KRT8: variants seen among roughly 807,000 people sequenced by gnomAD.
KRT8 encodes the protein keratin 8.
In KRT8, 24 loss-of-function variants were observed where a neutral mutation model predicts 43.0. The ratio of observed to expected loss-of-function variants is 0.56; its 90% CI spans 0.40 to 0.78. The LOEUF (loss-of-function observed/expected upper bound fraction) is 0.78, where lower values mean the gene tolerates loss of function less well. KRT8 is among the 30% of genes least tolerant of loss of function. The pLI is 0.00. For missense variants in KRT8, 492 were observed against 638.4 expected (o/e 0.77, Z 2.47); for synonymous variants, 214 against 261.2 (o/e 0.82, Z 1.74).
At position 52,925,231 on chromosome 12, in the gene KRT8, G is replaced by A. The variant is rs114819097; in HGVS notation, c.-46-20204C>T. Among the ~76,000 whole-genome samples the A allele has an allele frequency of 5.5e-3, 831 of 152,322 alleles. 9 individuals are homozygous for A. The highest frequency in any genetic ancestry group is 0.019 in the African/African-American group (798 of 41,570). On this transcript the variant is annotated intron_variant, in intron 2 of 6. Transcript: ENST00000546826. ...CAAGGTCAGGACCGGGAGGAATGCAGCTGGAGGAGGTGTGTATGCACAGTC... is the reference window on the plus strand; with the variant it reads ...CAAGGTCAGGACCGGGAGGAATGCAACTGGAGGAGGTGTGTATGCACAGTC...
intron 7 of KRT8, 105 bp downstream of exon 7, chr12:52,898,356 T>C: frequency 2.1e-6 from 2 of 939,546 alleles, no homozygotes; most frequent in South Asian, 1.4e-5. Flanking sequence ...ACATGAGTGC[T>C]CAGGCTGAGG....
chr12:52,914,052 G>A (rs766226956), intron 2 of KRT8, among the ~76,000 whole-genome samples: 7 of 149,948 alleles, frequency 4.7e-5, no homozygotes, highest in East Asian at 2.0e-4. Context: ...GTGAAATCCC[G>A]TCTCTACTAA....
At chr12:52,899,365 T>G (rs570870122) in intron 5 of KRT8, among the ~76,000 whole-genome samples, 1 of 152,040 alleles carries the variant, frequency 6.6e-6, no homozygotes, top group Admixed American at 6.5e-5. Flanking sequence ...CAGGGAGACA[T>G]GAGCAGTTTC....
chr12:52,927,859 A>G (rs540079122), intron 2 of KRT8, among the ~76,000 whole-genome samples: 1 of 152,250 alleles, frequency 6.6e-6, no homozygotes, highest in South Asian at 2.1e-4. Context: ...CAGGTGTATC[A>G]CCTGAGGTCA....
At chr12:52,899,121 T>A in intron 5 of KRT8, 1 of 543,388 alleles carries the variant, frequency 1.8e-6, no homozygotes, top group Non-Finnish European at 3.3e-6. Context: ...GAGGCCATCC[T>A]GGCTAACACA....
chr12:52,903,373 T>C (rs1323432171), intron 1 of KRT8: 1 of 152,264 alleles, frequency 6.6e-6, no homozygotes, highest in Admixed American at 6.5e-5. Flanking sequence ...TATGCTTAGC[T>C]GCTCTCTATA....
chr12:52,931,068 A>ATTGTTTT (rs1555189440), intron 2 of KRT8, among the ~76,000 whole-genome samples: 1 of 141,078 alleles, frequency 7.1e-6, no homozygotes, highest in African/African-American at 2.6e-5. Flanking sequence ...TCTCCCCCAG[A>ATTGTTTT]TTCTTTTTTT....
exon 2 of KRT8, chr12:52,949,485 G>C (rs1164534748): frequency 5.0e-6 from 8 of 1,613,554 alleles, no homozygotes; most frequent in Non-Finnish European, 6.8e-6. Flanking sequence ...TGGAGACCGA[G>C]AACCGGAGGC....
chr12:52,930,753 G>A (rs939852463), intron 2 of KRT8, among the ~76,000 whole-genome samples: 9 of 149,276 alleles, frequency 6.0e-5, no homozygotes, highest in African/African-American at 2.2e-4. Context: ...TAGAGACAGG[G>A]TCTTGCTCTG....
chr12:52,914,988 A>G (rs1941706719), intron 2 of KRT8, among the ~76,000 whole-genome samples: 1 of 152,164 alleles, frequency 6.6e-6, no homozygotes, highest in Non-Finnish European at 1.5e-5. Flanking sequence ...CCAGGGGAAT[A>G]GAATACTATC....
chr12:52,899,990 T>C, exon 5 of KRT8: 1 of 1,613,356 alleles, frequency 6.2e-7, no homozygotes, highest in Non-Finnish European at 8.5e-7. Context: ...ATGCTGTCCA[T>C]GTCCAGGGAG....
chr12:52,900,620 C>T lies in KRT8; in HGVS notation c.658G>A (p.Glu220Lys), dbSNP rs760484741. 9.9e-6 allele frequency: 16 copies of T among 1,612,924 alleles called. No homozygotes were observed. The East Asian group carries it at 1.6e-4, about 16-fold the overall frequency. ...TATAGCTGCCTGAGGAAGTTGATCT[C>T]GTCGGTCAGCCCTTCCAGGCGAGAC... Residue 220 changes from glutamate (E) to lysine (K), a missense_variant, in exon 4 of 8, where the codon GAG (glutamate) becomes AAG (lysine). By Grantham distance (56) the Glu-to-Lys change is moderately conservative. Coordinates refer to ENST00000692008, the Ensembl canonical transcript of KRT8.
At chr12:52,900,776 G>A in intron 3 of KRT8, 93 bp from the exon 4 acceptor site, 2 of 844,150 alleles carry the variant, frequency 2.4e-6, no homozygotes, top group South Asian at 2.7e-5. Flanking sequence ...CTGGTCACAG[G>A]ACTTTCTAGT....
At chr12:52,898,698 G>C in exon 6 of KRT8, 3 of 1,614,222 alleles carry the variant, frequency 1.9e-6, no homozygotes, top group Non-Finnish European at 2.5e-6. Context: ...TCGCCCTCCA[G>C]CAGCTTCCTG....
intron 5 of KRT8, 58 bp from the exon 6 acceptor site, chr12:52,898,957 G>T: frequency 6.7e-7 from 1 of 1,492,568 alleles, no homozygotes; most frequent in Non-Finnish European, 9.2e-7. Flanking sequence ...CTTCTCCCGT[G>T]CTCCCACCCT....
chr12:52,934,229 A>G (rs925661252), intron 2 of KRT8, among the ~76,000 whole-genome samples: 1 of 151,542 alleles, frequency 6.6e-6, no homozygotes, highest in African/African-American at 2.4e-5. Flanking sequence ...ACTTCATCTC[A>G]GAAAAGGAAA....
At chr12:52,908,626 G>T (rs1159770924), upstream of KRT8, among the ~76,000 whole-genome samples, 1 of 152,190 alleles carries the variant, frequency 6.6e-6, no homozygotes. Context: ...ACAGGAAGTA[G>T]ATTAGTGGTT....
At chr12:52,905,766 C>T (rs1350863642), upstream of KRT8, among the ~76,000 whole-genome samples, 1 of 151,990 alleles carries the variant, frequency 6.6e-6, no homozygotes, top group Non-Finnish European at 1.5e-5. Context: ...CACACAGTGG[C>T]TGTCGTCCCT....
intron 2 of KRT8, among the ~76,000 whole-genome samples, chr12:52,939,945 G>A (rs758959854): frequency 2.8e-4 from 42 of 151,714 alleles, no homozygotes; most frequent in Admixed American, 7.9e-4. Context: ...ACCAAAAAAA[G>A]TTAGAAAAAG....
Sources: allele counts gnomAD v4.1 joint callset (sites outside exome capture counted in the v4.1 genomes callset), GRCh38; gene constraint gnomAD v4.1.1; transcripts MANE v1.5; gene names NCBI Gene and HGNC (gene_info 2026-07-23, HGNC 2026-07-21).